AMBRA1: variants seen among roughly 807,000 people sequenced by gnomAD.
AMBRA1 encodes autophagy and beclin 1 regulator 1.
AMBRA1 carries 47 observed loss-of-function variants against 125.4 expected under a neutral mutation model. That is an observed-to-expected ratio of 0.37 (90% CI 0.30 to 0.48). AMBRA1 has a LOEUF of 0.48. Ranked by LOEUF, AMBRA1 falls within the 20% of genes least tolerant of loss-of-function variation. The pLI is 0.99. For synonymous variants in AMBRA1, 626 were observed against 655.5 expected (o/e 0.95, Z 0.69); for missense variants, 1,331 against 1,693.4 (o/e 0.79, Z 3.76).
At chr11:46,449,473 T>G (rs1383360143) in intron 11 of AMBRA1, among the ~76,000 whole-genome samples, 3 of 152,140 alleles carry the variant, frequency 2.0e-5, no homozygotes, top group Non-Finnish European at 2.9e-5. Flanking sequence ...TAACAAAATA[T>G]GTACAAGGTC....
chr11:46,457,171 G>A (rs530283886), intron 11 of AMBRA1, among the ~76,000 whole-genome samples: 33 of 152,344 alleles, frequency 2.2e-4, no homozygotes, highest in Middle Eastern at 3.4e-3. Context: ...TGCTCCCAGC[G>A]AAGAAAGGTG....
chr11:46,494,374 C>T (rs900452594), intron 9 of AMBRA1, among the ~76,000 whole-genome samples, 170 bp from the exon 10 acceptor site: 44 of 152,210 alleles, frequency 2.9e-4, no homozygotes, highest in African/African-American at 1.0e-3. Flanking sequence ...AAACATATTT[C>T]TGGAGAACCT....
rs759507676 is a variant in AMBRA1 at position 46,548,350 on chromosome 11, G to T, written c.31C>A (p.Arg11=). 34 of 1,613,870 alleles carry T rather than the reference G, an allele frequency of 2.1e-5. No individual in the cohort carries two copies. Among genetic ancestry groups the T allele is most frequent in the Non-Finnish European group, 2.7e-5 (32 of 1,180,016 alleles). MKVVPEKNAV[R]ILWGRERGAR... ...CCCCGTTCTCGCCCCCAGAGTATCC[G>T]GACAGCATTCTTTTCTGGGACAACC... The change falls in exon 2 of 18, where the codon CGG becomes AGG. Residue 11 remains arginine, a synonymous_variant. Transcript: ENST00000683756.
chr11:46,451,332 T>C lies in AMBRA1; in HGVS notation c.2522-7734A>G, dbSNP rs539421610. 1.3e-4 allele frequency among the ~76,000 whole-genome samples: 20 copies of C among 152,288 alleles called. No homozygotes were observed. The South Asian group carries it at 4.1e-3, about 32-fold the overall frequency. ...AGAGCTCCCAGAATGTGTCTAGGGATAAAATCATAATAATCATCACAGTCA... is the reference window on the plus strand; with the variant it reads ...AGAGCTCCCAGAATGTGTCTAGGGACAAAATCATAATAATCATCACAGTCA... On this transcript the variant is annotated intron_variant, in intron 11 of 17. Coordinates refer to ENST00000683756, the MANE Select transcript of AMBRA1 (RefSeq NM_001387011.1).
At chr11:46,585,463 C>A (rs1393405442) in intron 1 of AMBRA1, among the ~76,000 whole-genome samples, 1 of 149,132 alleles carries the variant, frequency 6.7e-6, no homozygotes, top group Non-Finnish European at 1.5e-5. Flanking sequence ...GTCAGGAGAT[C>A]GAGACCATCC....
At chr11:46,446,772 C>T (rs149364172) in intron 11 of AMBRA1, among the ~76,000 whole-genome samples, 1 of 152,168 alleles carries the variant, frequency 6.6e-6, no homozygotes, top group African/African-American at 2.4e-5. Context: ...ATAAACATAT[C>T]CTACATTTTA....
chr11:46,582,600 G>A (rs1305509904), intron 1 of AMBRA1, among the ~76,000 whole-genome samples: 1 of 152,168 alleles, frequency 6.6e-6, no homozygotes, highest in Non-Finnish European at 1.5e-5. Context: ...AAGAGCAGGG[G>A]AATGTGGAGC....
chr11:46,510,638 A>C (rs1951221967), intron 8 of AMBRA1, among the ~76,000 whole-genome samples: 1 of 152,212 alleles, frequency 6.6e-6, no homozygotes, highest in Admixed American at 6.5e-5. Context: ...CTTTTTATGT[A>C]GGGACATAGG....
chr11:46,573,683 T>A (rs1407906608), intron 1 of AMBRA1, among the ~76,000 whole-genome samples: 2 of 150,356 alleles, frequency 1.3e-5, no homozygotes, highest in African/African-American at 2.5e-5. Flanking sequence ...TTTTTTATTA[T>A]ACTTTAAGTT....
intron 11 of AMBRA1, among the ~76,000 whole-genome samples, chr11:46,466,950 G>C (rs1421827708): frequency 7.3e-6 from 1 of 137,330 alleles, no homozygotes; most frequent in Non-Finnish European, 1.5e-5. Context: ...ATGGAGTCTC[G>C]CTCTGTTGCC....
At chr11:46,569,339 T>C (rs2043663977) in intron 1 of AMBRA1, among the ~76,000 whole-genome samples, 2 of 150,148 alleles carry the variant, frequency 1.3e-5, no homozygotes, top group South Asian at 2.1e-4. Flanking sequence ...TAATAGTTTT[T>C]GTTTCCTGTA....
At chr11:46,585,753 G>A (rs1245516201) in intron 1 of AMBRA1, among the ~76,000 whole-genome samples, 1 of 115,584 alleles carries the variant, frequency 8.7e-6, no homozygotes, top group Non-Finnish European at 1.7e-5. Flanking sequence ...TGGGTTTAAA[G>A]GTGTGGGCCA....
At chr11:46,585,595 G>C (rs1205501718) in intron 1 of AMBRA1, among the ~76,000 whole-genome samples, 1 of 128,642 alleles carries the variant, frequency 7.8e-6, no homozygotes, top group Non-Finnish European at 1.6e-5. Context: ...GAACCAAGGA[G>C]GCGGAGGTTG....
At chr11:46,557,738 G>T (rs942630295) in intron 1 of AMBRA1, among the ~76,000 whole-genome samples, 3 of 152,110 alleles carry the variant, frequency 2.0e-5, no homozygotes, top group Non-Finnish European at 2.9e-5. Flanking sequence ...AGCCCAGGAG[G>T]TCGAGGCTGC....
intron 5 of AMBRA1, among the ~76,000 whole-genome samples, chr11:46,545,020 A>G (rs929767576): frequency 1.3e-5 from 2 of 152,072 alleles, no homozygotes; most frequent in South Asian, 2.1e-4. Context: ...CCAGATACTC[A>G]TAAGACTGAG....
chr11:46,575,797 G>A (rs1591169558), intron 1 of AMBRA1, among the ~76,000 whole-genome samples: 1 of 152,140 alleles, frequency 6.6e-6, no homozygotes, highest in African/African-American at 2.4e-5. Context: ...TTATAGGCGT[G>A]AGCCTCCGTG....
At chr11:46,556,535 T>G (rs545510527) in intron 1 of AMBRA1, among the ~76,000 whole-genome samples, 10 of 152,242 alleles carry the variant, frequency 6.6e-5, no homozygotes, top group Non-Finnish European at 1.2e-4. Flanking sequence ...AAGTCATGAG[T>G]GATATTTATT....
rs1212145312 is a variant in AMBRA1, at chr11:46,434,829, T to G, written c.2821+20A>C. The G allele has an allele frequency of 6.4e-7, 1 of 1,562,934 alleles. No individual in the cohort carries two copies. Among genetic ancestry groups the G allele is most frequent in the Admixed American group, 1.9e-5 (1 of 51,714 alleles). On this transcript the variant is annotated intron_variant, in intron 13 of 17. Coordinates refer to ENST00000683756, the MANE Select transcript of AMBRA1 (RefSeq NM_001387011.1). ...GCACCAGCGTCCCTCTGTCATTAGG[T>G]TGGGCTTCCTATCCCTTACCAAATC... is the stretch of plus-strand genomic sequence containing the variant.
At chr11:46,403,252 G>A (rs2136592690) in intron 17 of AMBRA1, among the ~76,000 whole-genome samples, 1 of 152,310 alleles carries the variant, frequency 6.6e-6, no homozygotes, top group Non-Finnish European at 1.5e-5. Context: ...GAGGCTCAGA[G>A]AGTCACAGGA....
Sources: allele counts gnomAD v4.1 joint callset (sites outside exome capture counted in the v4.1 genomes callset), GRCh38; gene constraint gnomAD v4.1.1; transcripts MANE v1.5; gene names NCBI Gene and HGNC (gene_info 2026-07-23, HGNC 2026-07-21).